Variants in IL16 observed in about 807,000 individuals in gnomAD.
IL16 encodes the protein pro-interleukin-16.
A neutral mutation model predicts 110.1 loss-of-function variants in IL16; 67 were observed. The observed-to-expected ratio is 0.61, with a 90% CI of 0.50 to 0.75. The LOEUF is 0.75. Ranked by LOEUF, IL16 falls within the 30% of genes least tolerant of loss-of-function variation. The pLI is 0.00. For synonymous variants in IL16, 689 were observed against 662.9 expected, an observed-to-expected ratio of 1.04 and a Z score of -0.61; for missense variants, 1,545 against 1,655.0, an observed-to-expected ratio of 0.93 and a Z score of 1.15.
At chr15:81,265,360 C>G (rs545733956) in intron 3 of IL16, among the ~76,000 whole-genome samples, 6 of 152,324 alleles carry the variant, frequency 3.9e-5, no homozygotes, top group African/African-American at 1.4e-4. Flanking sequence ...TTTCTGAGAG[C>G]TCAGCACACT....
At chr15:81,307,365 G>C (rs976305005) in intron 18 of IL16, among the ~76,000 whole-genome samples, 1 of 152,152 alleles carries the variant, frequency 6.6e-6, no homozygotes, top group Non-Finnish European at 1.5e-5. Flanking sequence ...GTGTGTGTCT[G>C]AGGGCTCTTA....
At chr15:81,200,378 T>C (rs1895765395) in intron 1 of IL16, among the ~76,000 whole-genome samples, 1 of 152,110 alleles carries the variant, frequency 6.6e-6, no homozygotes, top group Non-Finnish European at 1.5e-5. Context: ...TATTTATCTA[T>C]TTATTTTTTG....
chr15:81,231,581 C>A (rs1440303173), intron 2 of IL16, among the ~76,000 whole-genome samples: 2 of 152,112 alleles, frequency 1.3e-5, no homozygotes, highest in Non-Finnish European at 2.9e-5. Flanking sequence ...CCATGTTGCC[C>A]AGGCTGTTCT....
At chr15:81,284,343 T>C (rs1364478869) in intron 9 of IL16, among the ~76,000 whole-genome samples, 1 of 152,244 alleles carries the variant, frequency 6.6e-6, no homozygotes, top group Non-Finnish European at 1.5e-5. Context: ...CTGCTTATGA[T>C]GCTGTCTCTC....
At position 81,306,463 on chromosome 15, in the gene IL16, G is replaced by C. The variant is rs377484889; in HGVS notation, c.3723G>C (p.Ser1241=). ...TVCTVTLEKM[S]AGLGFSLEGG... Reference sequence around the variant, plus strand: ...GCACGGTGACACTGGAGAAGATGTCGGCAGGGCTGGGCTTCAGCCTGGAAG... The same window carrying C: ...GCACGGTGACACTGGAGAAGATGTCCGCAGGGCTGGGCTTCAGCCTGGAAG... Residue 1241 remains serine, a synonymous_variant, in exon 18 of 19, where the codon TCG becomes TCC. Transcript: ENST00000683961. 2 of 1,613,932 alleles carry C rather than the reference G, an allele frequency of 1.2e-6. No homozygotes were observed. The highest frequency in any genetic ancestry group is 2.7e-5 in the African/African-American group (2 of 74,920).
chr15:81,252,311 G>T (rs975524341), intron 2 of IL16, among the ~76,000 whole-genome samples: 1 of 152,184 alleles, frequency 6.6e-6, no homozygotes, highest in Non-Finnish European at 1.5e-5. Flanking sequence ...ACTTGAATTC[G>T]TGAAAGACAG....
At chr15:81,256,123 A>G (rs889651718) in intron 2 of IL16, among the ~76,000 whole-genome samples, 3 of 152,136 alleles carry the variant, frequency 2.0e-5, no homozygotes, top group Admixed American at 6.6e-5. Flanking sequence ...CATCCTCAGT[A>G]CTTGGAACAG....
intron 12 of IL16, among the ~76,000 whole-genome samples, chr15:81,293,525 AC>A (rs1430711453): frequency 6.6e-6 from 1 of 151,964 alleles, no homozygotes; most frequent in Non-Finnish European, 1.5e-5. Context: ...AGATGGTGAA[AC>A]CCTGTCTCTA....
chr15:81,259,245 G>C (rs911820951), intron 2 of IL16, among the ~76,000 whole-genome samples: 1 of 152,316 alleles, frequency 6.6e-6, no homozygotes, highest in African/African-American at 2.4e-5. Flanking sequence ...GCAAGTGCCT[G>C]TTATGTGCCA....
intron 2 of IL16, among the ~76,000 whole-genome samples, chr15:81,232,057 T>TTTTTTTTTTTTTTTTTTTTTTTTA (rs1897021393): frequency 7.7e-6 from 1 of 130,312 alleles, no homozygotes; most frequent in Non-Finnish European, 1.7e-5. Context: ...TTTTTTTTTT[T>TTTTTTTTTTTTTTTTTTTTTTTTA]TTTTTTTTTC....
chr15:81,216,154 G>A (rs1323924147), intron 1 of IL16, among the ~76,000 whole-genome samples: 1 of 152,248 alleles, frequency 6.6e-6, no homozygotes, highest in Non-Finnish European at 1.5e-5. Context: ...CCTGGGGGAT[G>A]ACCATCTGTG....
intron 1 of IL16, among the ~76,000 whole-genome samples, chr15:81,216,713 C>T (rs1008343486): frequency 6.6e-6 from 1 of 152,184 alleles, no homozygotes; most frequent in African/African-American, 2.4e-5. Flanking sequence ...GCCTACCGAG[C>T]ATTCATGAGG....
chr15:81,305,871 T>C (rs1356258631), intron 16 of IL16, 37 bp from the exon 17 acceptor site: 3 of 1,606,184 alleles, frequency 1.9e-6, no homozygotes, highest in African/African-American at 1.3e-5. Flanking sequence ...ACTGGACTTG[T>C]GTGATTTCTG....
chr15:81,286,696 A>G (rs1426545136), intron 10 of IL16, among the ~76,000 whole-genome samples: 1 of 152,204 alleles, frequency 6.6e-6, no homozygotes, highest in African/African-American at 2.4e-5. Flanking sequence ...TGTAAGAGGA[A>G]GGAAGCTGAT....
chr15:81,222,224 A>C (rs1896639567), intron 1 of IL16, among the ~76,000 whole-genome samples: 1 of 152,076 alleles, frequency 6.6e-6, no homozygotes. Flanking sequence ...TGAAGGGGGC[A>C]GAGTTGAGGC....
At chr15:81,231,097 G>A (rs1290036061) in intron 2 of IL16, among the ~76,000 whole-genome samples, 1 of 152,024 alleles carries the variant, frequency 6.6e-6, no homozygotes, top group Non-Finnish European at 1.5e-5. Context: ...CCAGAATTTT[G>A]GGAGGCTGAG....
At chr15:81,210,443 G>A (rs1307110884) in intron 1 of IL16, among the ~76,000 whole-genome samples, 1 of 152,168 alleles carries the variant, frequency 6.6e-6, no homozygotes, top group Non-Finnish European at 1.5e-5. Flanking sequence ...TCTTTAAATT[G>A]CTTTGAGCAG....
chr15:81,221,029 T>C (rs1896597659), intron 1 of IL16, among the ~76,000 whole-genome samples: 1 of 151,770 alleles, frequency 6.6e-6, no homozygotes, highest in African/African-American at 2.4e-5. Flanking sequence ...GAGTCAGTCC[T>C]GCCCCACTTT....
intron 1 of IL16, chr15:81,188,356 G>T (rs917800064): frequency 8.8e-6 from 4 of 456,206 alleles, no homozygotes; most frequent in Non-Finnish European, 1.3e-5. Context: ...ATTGCAGAGG[G>T]TGTGTGGAGC....
Sources: allele counts gnomAD v4.1 joint callset (sites outside exome capture counted in the v4.1 genomes callset), GRCh38; gene constraint gnomAD v4.1.1; transcripts MANE v1.5; gene names NCBI Gene and HGNC (gene_info 2026-07-23, HGNC 2026-07-21).